CYP7B1: variants seen among roughly 807,000 people sequenced by gnomAD.
CYP7B1 encodes cytochrome P450 family 7 subfamily B member 1, also known as cytochrome P450 7B1.
Under a neutral mutation model 42.7 loss-of-function variants are expected in CYP7B1, and 29 were observed. That is an observed-to-expected ratio of 0.68 (90% confidence interval 0.51 to 0.93). CYP7B1 has a LOEUF of 0.93. CYP7B1 is among the 40% of genes least tolerant of loss of function. The pLI, the probability that CYP7B1 is intolerant of heterozygous loss-of-function variation, is 0.00. For synonymous variants in CYP7B1, 235 were observed against 218.2 expected (o/e 1.08, Z -0.68); for missense variants, 655 against 600.5 (o/e 1.09, Z -0.95).
intron 1 of CYP7B1, among the ~76,000 whole-genome samples, chr8:64,684,635 A>G (rs901083318): frequency 6.6e-6 from 1 of 152,218 alleles, no homozygotes; most frequent in Admixed American, 6.5e-5. Context: ...AGATGATGTC[A>G]CTCAAATGAA....
rs1459049015 is a variant in CYP7B1, at chr8:64,699,040, C to T, written c.123-74501G>A. 2.0e-5 allele frequency among the ~76,000 whole-genome samples: 3 copies of T among 152,100 alleles called. No homozygotes were observed. In the East Asian group the frequency reaches 5.8e-4, roughly 29 times the overall value. On this transcript the variant is annotated intron_variant, in intron 1 of 5. Coordinates refer to ENST00000310193, the MANE Select transcript of CYP7B1 (RefSeq NM_004820.5). ...CTGCAACACAGTACTTAAATGGAAGCTTGCTTTATAGTATTAGAGATGATT... is the reference window on the plus strand; with the variant it reads ...CTGCAACACAGTACTTAAATGGAAGTTTGCTTTATAGTATTAGAGATGATT...
chr8:64,635,042 A>C (rs1440634201), intron 1 of CYP7B1, among the ~76,000 whole-genome samples: 1 of 152,214 alleles, frequency 6.6e-6, no homozygotes, highest in Non-Finnish European at 1.5e-5. Context: ...TTCTACTCGA[A>C]GCAAGAAACA....
intron 1 of CYP7B1, among the ~76,000 whole-genome samples, chr8:64,797,566 T>C (rs1804723526): frequency 6.6e-6 from 1 of 152,162 alleles, no homozygotes; most frequent in Non-Finnish European, 1.5e-5. Flanking sequence ...ATTCTAGAAA[T>C]GTCCATAGAT....
chr8:64,697,875 C>G (rs1806853636), intron 1 of CYP7B1, among the ~76,000 whole-genome samples: 1 of 152,182 alleles, frequency 6.6e-6, no homozygotes, highest in East Asian at 1.9e-4. Context: ...AAAAACAAAA[C>G]CAGTTTGTGC....
chr8:64,703,010 T>A (rs1328040341), intron 1 of CYP7B1, among the ~76,000 whole-genome samples: 1 of 79,284 alleles, frequency 1.3e-5, no homozygotes, highest in Non-Finnish European at 2.5e-5. Context: ...TACATCTATA[T>A]TTTTTTTCTT....
chr8:64,785,271 T>C (rs1159437551), intron 1 of CYP7B1, among the ~76,000 whole-genome samples: 1 of 152,202 alleles, frequency 6.6e-6, no homozygotes, highest in Non-Finnish European at 1.5e-5. Flanking sequence ...TGCAAAATGG[T>C]ACAGTCATTT....
intron 1 of CYP7B1, among the ~76,000 whole-genome samples, chr8:64,647,675 C>A (rs934018364): frequency 6.6e-6 from 1 of 152,150 alleles, no homozygotes; most frequent in Middle Eastern, 3.4e-3. Flanking sequence ...ATGCAATGTC[C>A]CAGCTGAAAC....
intron 1 of CYP7B1, among the ~76,000 whole-genome samples, chr8:64,655,704 C>T (rs1040394376): frequency 3.9e-5 from 6 of 152,186 alleles, no homozygotes; most frequent in African/African-American, 1.4e-4. Context: ...CATAAAGACA[C>T]ATGCACACAG....
At chr8:64,638,075 TA>T (rs1199265957) in intron 1 of CYP7B1, among the ~76,000 whole-genome samples, 1 of 152,206 alleles carries the variant, frequency 6.6e-6, no homozygotes, top group Non-Finnish European at 1.5e-5. Context: ...TCTTGATTCA[TA>T]AATGCAATTT....
chr8:64,755,000 C>T (rs987122237), intron 1 of CYP7B1, among the ~76,000 whole-genome samples: 3 of 152,120 alleles, frequency 2.0e-5, no homozygotes, highest in Non-Finnish European at 2.9e-5. Context: ...CTGGCTTTAA[C>T]GATTGCAAGT....
rs550297156 is a variant in CYP7B1 at position 64,609,547 on chromosome 8, T to C, written c.1058-4690A>G. ...TTTTCTAATTGTGTATCAGAGATGA[T>C]ATGGTGTTTAGCCTTTGCCATGCTG... On this transcript the variant is annotated intron_variant, in intron 4 of 5. Transcript: ENST00000310193. Among the ~76,000 whole-genome samples the C allele has an allele frequency of 6.6e-5, 10 of 152,332 alleles. 1 individual carries two copies. The highest frequency in any genetic ancestry group is 5.9e-4 in the Admixed American group (9 of 15,296).
intron 1 of CYP7B1, among the ~76,000 whole-genome samples, chr8:64,647,790 A>G (rs1195959969): frequency 2.0e-5 from 3 of 151,988 alleles, no homozygotes; most frequent in Non-Finnish European, 2.9e-5. Context: ...AGGGCAGTCT[A>G]CTCTACTGAG....
rs1805095860 is a variant in CYP7B1, at chr8:64,595,013, A to G, written c.*1629T>C. Among the ~76,000 whole-genome samples the G allele has an allele frequency of 6.6e-6, 1 of 152,236 alleles. No individual in the cohort carries two copies. The highest frequency in any genetic ancestry group is 1.5e-5 in the Non-Finnish European group (1 of 68,038). ...AGGACACGTTAAAGTAGTCAGAGAG[A>G]AGAGACAGACTACCTATTGAGTAAT... On this transcript the variant is annotated 3_prime_UTR_variant, in exon 6 of 6. Coordinates refer to ENST00000310193, the MANE Select transcript of CYP7B1 (RefSeq NM_004820.5).
chr8:64,671,167 T>C (rs952756363), intron 1 of CYP7B1, among the ~76,000 whole-genome samples: 4 of 152,114 alleles, frequency 2.6e-5, no homozygotes, highest in African/African-American at 9.7e-5. Flanking sequence ...ATTCAATTTA[T>C]GTAAATGCCT....
intron 1 of CYP7B1, among the ~76,000 whole-genome samples, chr8:64,693,781 G>C (rs990652722): frequency 6.6e-6 from 1 of 152,162 alleles, no homozygotes; most frequent in Non-Finnish European, 1.5e-5. Context: ...GTGTGTGTGT[G>C]TAACTTGTTT....
intron 3 of CYP7B1, 33 bp from the exon 4 acceptor site, chr8:64,615,265 A>G (rs1805420626): frequency 1.3e-6 from 2 of 1,578,252 alleles, no homozygotes; most frequent in Non-Finnish European, 1.7e-6. Flanking sequence ...GAAGATTAAT[A>G]GCGTTTATTA....
intron 4 of CYP7B1, among the ~76,000 whole-genome samples, chr8:64,607,963 G>A (rs754242528): frequency 4.6e-5 from 7 of 152,110 alleles, no homozygotes; most frequent in Non-Finnish European, 1.0e-4. Flanking sequence ...TTAAGATAAG[G>A]CTGCCTGTGA....
chr8:64,667,000 A>C (rs16931358), intron 1 of CYP7B1, among the ~76,000 whole-genome samples: 11,392 of 152,246 alleles, frequency 0.075, 492 homozygotes, highest in South Asian at 0.16. Context: ...CTTCTCACTC[A>C]AATAACCTTG....
chr8:64,638,666 C>A (rs1426241306), intron 1 of CYP7B1, among the ~76,000 whole-genome samples: 1 of 152,076 alleles, frequency 6.6e-6, no homozygotes, highest in Non-Finnish European at 1.5e-5. Context: ...TTGTTAGTTA[C>A]AATTCCAGGG....
Sources: allele counts gnomAD v4.1 joint callset (sites outside exome capture counted in the v4.1 genomes callset), GRCh38; gene constraint gnomAD v4.1.1; transcripts MANE v1.5; gene names NCBI Gene and HGNC (gene_info 2026-07-23, HGNC 2026-07-21).